CCBE1: variants seen among roughly 807,000 people sequenced by gnomAD.
CCBE1 encodes the protein collagen and calcium binding EGF domains 1, also known as collagen and calcium-binding EGF domain-containing protein 1.
CCBE1 carries 37 observed loss-of-function variants against 50.0 expected under a neutral mutation model. That is an observed-to-expected ratio of 0.74 (90% CI 0.57 to 0.97). The LOEUF (loss-of-function observed/expected upper bound fraction) is 0.97, where lower values mean the gene tolerates loss of function less well. Among genes scored for constraint, CCBE1 ranks in the 50% least tolerant of loss-of-function variants. CCBE1 has a pLI of 0.00. For synonymous variants in CCBE1, 234 were observed against 203.7 expected (o/e 1.15, Z -1.27); for missense variants, 538 against 523.8 (o/e 1.03, Z -0.26).
Position 59,538,502 on chromosome 18 carries a change from T to C in CCBE1, c.213-58264A>G, listed in dbSNP as rs535070906. On this transcript the variant is annotated intron_variant, in intron 2 of 10. Transcript: ENST00000439986. ...GAGCATACATATTTTCTTGGCCATC[T>C]GATTAAGTAACACAAATTTGTCAAA... 2.0e-5 allele frequency among the ~76,000 whole-genome samples: 3 copies of C among 152,368 alleles called. No individual in the cohort carries two copies. In the East Asian group the frequency reaches 5.8e-4, roughly 29 times the overall value.
intron 2 of CCBE1, among the ~76,000 whole-genome samples, chr18:59,646,049 A>T (rs575645129): frequency 1.3e-5 from 2 of 152,172 alleles, no homozygotes; most frequent in African/African-American, 4.8e-5. Flanking sequence ...AAAAGAAAAA[A>T]AAAAGGTATC....
At chr18:59,521,374 G>A (rs976738306) in intron 2 of CCBE1, among the ~76,000 whole-genome samples, 1 of 152,216 alleles carries the variant, frequency 6.6e-6, no homozygotes, top group Non-Finnish European at 1.5e-5. Context: ...ATGTATCCAT[G>A]AGTTACGTGG....
chr18:59,688,780 T>C (rs1387003129), intron 2 of CCBE1, among the ~76,000 whole-genome samples: 1 of 152,124 alleles, frequency 6.6e-6, no homozygotes, highest in Non-Finnish European at 1.5e-5. Context: ...GAAAACCAAG[T>C]GACAACTAAA....
chr18:59,495,276 ACTGTG>A (rs774115081), intron 2 of CCBE1, among the ~76,000 whole-genome samples: 118 of 152,208 alleles, frequency 7.8e-4, no homozygotes, highest in African/African-American at 2.7e-3. Flanking sequence ...CAATTACGTA[ACTGTG>A]ATTAACATGG....
Position 59,438,132 on chromosome 18 carries a change from C to T in CCBE1, c.966G>A (p.Ala322=), listed in dbSNP as rs144169027. 2.5e-4 allele frequency: 411 copies of T among 1,613,964 alleles called. No homozygotes were observed. Among genetic ancestry groups the T allele is most frequent in the Non-Finnish European group, 3.2e-4 (383 of 1,180,016 alleles). Residue 322 remains alanine (A), a synonymous_variant, in exon 10 of 11, where the codon GCG becomes GCA. Transcript: ENST00000439986. ...TTACTGGAGACCCTCTGGGCCCAGG[C>T]GCTCCTCTCTCCCCCTAAAAACAGA... is the stretch of plus-strand genomic sequence containing the variant. ...GRDGSKGERG[A]PGPRGSPGPP... is the part of the protein sequence containing the mutation.
intron 2 of CCBE1, among the ~76,000 whole-genome samples, chr18:59,600,373 G>A (rs79812380): frequency 1.3e-5 from 2 of 151,858 alleles, no homozygotes; most frequent in African/African-American, 4.8e-5. Context: ...CAAGCTCAGG[G>A]CTTCCAATGA....
chr18:59,452,579 C>T (rs750615478), intron 6 of CCBE1, among the ~76,000 whole-genome samples: 7 of 152,124 alleles, frequency 4.6e-5, no homozygotes, highest in South Asian at 4.1e-4. Flanking sequence ...GGCGACAGAG[C>T]GAGACTTCAT....
chr18:59,483,351 G>A (rs564221949), intron 2 of CCBE1, among the ~76,000 whole-genome samples: 4 of 152,230 alleles, frequency 2.6e-5, no homozygotes, highest in South Asian at 4.2e-4. Context: ...AGAAGTGTTC[G>A]GATTTCAGAT....
At chr18:59,605,059 TG>T (rs2053479607) in intron 2 of CCBE1, among the ~76,000 whole-genome samples, 1 of 152,204 alleles carries the variant, frequency 6.6e-6, no homozygotes, top group South Asian at 2.1e-4. Flanking sequence ...GAGCATGTTC[TG>T]GCCTGACTTG....
In CCBE1 at chr18:59,573,512, T is replaced by C. The variant is rs1172120553; in HGVS notation, c.213-93274A>G. Among the ~76,000 whole-genome samples, 3 of 151,658 alleles carry C rather than the reference T, an allele frequency of 2.0e-5. No homozygotes were observed. The South Asian group carries it at 6.2e-4, about 32-fold the overall frequency. ...AAGCACCACCAATTGTGTGAGCCAA[T>C]TTCTTAAAATAAACTTCTCTGTTTC... On this transcript the variant is annotated intron_variant, in intron 2 of 10. Transcript: ENST00000439986.
At chr18:59,510,473 G>A (rs2144294021) in intron 2 of CCBE1, among the ~76,000 whole-genome samples, 1 of 152,106 alleles carries the variant, frequency 6.6e-6, no homozygotes, top group East Asian at 1.9e-4. Flanking sequence ...CCAGACTGGA[G>A]GGCAATGGCG....
chr18:59,606,785 T>C (rs945721886), intron 2 of CCBE1, among the ~76,000 whole-genome samples: 23 of 152,252 alleles, frequency 1.5e-4, no homozygotes, highest in African/African-American at 5.1e-4. Context: ...GTTAACCTTA[T>C]ATTTGCAACA....
At chr18:59,657,889 A>AAAC (rs142001390) in intron 2 of CCBE1, among the ~76,000 whole-genome samples, 8,749 of 146,284 alleles carry the variant, frequency 0.06, 593 homozygotes, top group African/African-American at 0.18. Context: ...AAACAACAAC[A>AAAC]AACAACAACA....
intron 3 of CCBE1, among the ~76,000 whole-genome samples, chr18:59,475,549 G>A (rs192591564): frequency 5.3e-5 from 8 of 152,016 alleles, no homozygotes; most frequent in East Asian, 1.9e-4. Flanking sequence ...CTCTTGCAAT[G>A]TCCTTTTATA....
intron 2 of CCBE1, among the ~76,000 whole-genome samples, chr18:59,533,692 C>A (rs1915136419): frequency 6.6e-6 from 1 of 152,056 alleles, no homozygotes. Flanking sequence ...AAAAACAGAC[C>A]TTCATGAGCA....
At chr18:59,496,753 G>A (rs1015356624) in intron 2 of CCBE1, among the ~76,000 whole-genome samples, 1 of 152,210 alleles carries the variant, frequency 6.6e-6, no homozygotes, top group Non-Finnish European at 1.5e-5. Flanking sequence ...CAGCCACCTT[G>A]TCCAGCTAAG....
At chr18:59,672,611 A>G (rs879710860) in intron 2 of CCBE1, among the ~76,000 whole-genome samples, 12 of 152,322 alleles carry the variant, frequency 7.9e-5, no homozygotes, top group Middle Eastern at 3.4e-3. Flanking sequence ...CAGCTCCTCC[A>G]GTGCCAGCTG....
intron 2 of CCBE1, among the ~76,000 whole-genome samples, chr18:59,667,241 C>G (rs1280460479): frequency 6.6e-6 from 1 of 152,142 alleles, no homozygotes; most frequent in Non-Finnish European, 1.5e-5. Context: ...TGCAATCCAG[C>G]CTGGTGACAC....
At chr18:59,602,293 C>G (rs979503201) in intron 2 of CCBE1, among the ~76,000 whole-genome samples, 24 of 152,118 alleles carry the variant, frequency 1.6e-4, no homozygotes, top group African/African-American at 5.8e-4. Context: ...CTGTCTTATT[C>G]TGCTTCTGCC....
Sources: allele counts gnomAD v4.1 joint callset (sites outside exome capture counted in the v4.1 genomes callset), GRCh38; gene constraint gnomAD v4.1.1; transcripts MANE v1.5; gene names NCBI Gene and HGNC (gene_info 2026-07-23, HGNC 2026-07-21).